The following PHF5A variants were observed in gnomAD, a reference collection of about 807,000 sequenced individuals.
The protein encoded by PHF5A is PHD finger-like domain-containing protein 5A.
For synonymous variants in PHF5A, 52 were observed against 46.0 expected, an observed-to-expected ratio of 1.13 and a Z score of -0.52; for missense variants, 24 against 140.6, an observed-to-expected ratio of 0.17 and a Z score of 4.19.
rs144044784 is a variant in PHF5A at position 41,462,164 on chromosome 22, T to C, written c.244-1677A>G. 1.6e-3 allele frequency among the ~76,000 whole-genome samples: 249 copies of C among 152,246 alleles called. 2 individuals carry two copies. The highest frequency in any genetic ancestry group is 6.8e-3 in the Middle Eastern group (2 of 294). Reference sequence around the variant, plus strand: ...TTTCAGTGAAGCCCCTGGGAAGCTGTGTTATATAGAAATGATGACTCCATC... The same window carrying C: ...TTTCAGTGAAGCCCCTGGGAAGCTGCGTTATATAGAAATGATGACTCCATC... On this transcript the variant is annotated intron_variant, in intron 3 of 3. Transcript: ENST00000216252.
rs1173270163 is a variant in PHF5A, at chr22:41,459,993, C to G, written c.*405G>C. The stretch of plus-strand genomic sequence containing the variant: ...CACACCAAAGGTTCCTCAAGGACAG[C>G]TGCCACCAGAGCTGCTGCAAGAACA... On this transcript the variant is annotated 3_prime_UTR_variant, in exon 4 of 4. Coordinates refer to ENST00000216252, the MANE Select transcript of PHF5A (RefSeq NM_032758.4). 6.9e-6 allele frequency: 1 copy of G among 144,712 alleles called. No homozygotes were observed. Among genetic ancestry groups the G allele is most frequent in the Non-Finnish European group, 1.5e-5 (1 of 67,034 alleles). 9.0% of individuals were successfully genotyped at this position (144,712 alleles called of 1,614,324 possible).
At chr22:41,468,456 T>C (rs2037893404) in intron 1 of PHF5A, 146 bp downstream of exon 1, 7 of 875,350 alleles carry the variant, frequency 8.0e-6, no homozygotes, top group Non-Finnish European at 1.2e-5. Flanking sequence ...GCCACAAACC[T>C]GCGCGCTCCT....
Position 41,468,165 on chromosome 22 carries a change from G to A in PHF5A, c.53-18C>T. 2 of 1,613,658 alleles carry A rather than the reference G, an allele frequency of 1.2e-6. No individual in the cohort carries two copies. The highest frequency in any genetic ancestry group is 2.2e-5 in the East Asian group (1 of 44,880). On this transcript the variant is annotated intron_variant, in intron 1 of 3. Coordinates refer to ENST00000216252, the MANE Select transcript of PHF5A (RefSeq NM_032758.4). Reference sequence around the variant, plus strand: ...TCCGATGGCTGCAAGATGAAAGATGGTAAAAAGTACAATTAGAATAAAGGT... The same window carrying A: ...TCCGATGGCTGCAAGATGAAAGATGATAAAAAGTACAATTAGAATAAAGGT...
chr22:41,464,702 G>A (rs2037852777), intron 3 of PHF5A, among the ~76,000 whole-genome samples: 1 of 152,218 alleles, frequency 6.6e-6, no homozygotes, highest in Admixed American at 6.5e-5. Flanking sequence ...CTAGACCCAT[G>A]CAAAAATTCA....
intron 3 of PHF5A, among the ~76,000 whole-genome samples, chr22:41,462,903 C>A (rs1256757512): frequency 2.7e-5 from 4 of 147,752 alleles, no homozygotes; most frequent in African/African-American, 1.0e-4. Context: ...GAGGTGAAGT[C>A]TCATCTGTCG....
chr22:41,468,056 C>T (rs187473076), intron 2 of PHF5A, 68 bp downstream of exon 2: 2 of 1,565,402 alleles, frequency 1.3e-6, no homozygotes, highest in East Asian at 4.5e-5. Flanking sequence ...CTTTGTGGCA[C>T]TTTTGCTGGT....
intron 3 of PHF5A, 64 bp downstream of exon 3, chr22:41,467,384 C>T: frequency 6.7e-7 from 1 of 1,492,272 alleles, no homozygotes; most frequent in Non-Finnish European, 9.3e-7. Context: ...TAGGAGATTG[C>T]AGTGGATGGC....
intron 3 of PHF5A, among the ~76,000 whole-genome samples, chr22:41,465,706 C>T (rs1000123302): frequency 2.0e-5 from 3 of 151,910 alleles, no homozygotes; most frequent in African/African-American, 7.3e-5. Context: ...ATAGTGAAAC[C>T]CCATCTCTAC....
intron 3 of PHF5A, among the ~76,000 whole-genome samples, chr22:41,466,566 C>T (rs907597301): frequency 2.0e-5 from 3 of 152,162 alleles, no homozygotes; most frequent in East Asian, 1.9e-4. Context: ...CTCTGTCACC[C>T]AGGCTGGAGT....
chr22:41,468,205 G>A, intron 1 of PHF5A, 58 bp from the exon 2 acceptor site: 2 of 1,584,298 alleles, frequency 1.3e-6, no homozygotes, highest in East Asian at 2.2e-5. Flanking sequence ...AGAAAGAGGA[G>A]AAGTACATCC....
At chr22:41,461,181 GAAA>G (rs1038939802) in intron 3 of PHF5A, among the ~76,000 whole-genome samples, 1 of 151,472 alleles carries the variant, frequency 6.6e-6, no homozygotes. Context: ...CTCAAAAAAA[GAAA>G]AAAAGACCAT....
intron 3 of PHF5A, among the ~76,000 whole-genome samples, chr22:41,466,397 T>C (rs2037866517): frequency 6.6e-6 from 1 of 152,192 alleles, no homozygotes; most frequent in South Asian, 2.1e-4. Flanking sequence ...ATTTCTGCAA[T>C]ATTAAACCAA....
chr22:41,463,064 G>A (rs917131317), intron 3 of PHF5A, among the ~76,000 whole-genome samples: 9 of 151,688 alleles, frequency 5.9e-5, no homozygotes, highest in African/African-American at 1.9e-4. Context: ...AGTAGAGATG[G>A]GGTTTCACCA....
Position 41,468,660 on chromosome 22 carries a change from T to A in PHF5A, c.-7A>T, listed in dbSNP as rs776172063. Reference sequence around the variant, plus strand: ...CAGGATGATGTTTAGCCATAGCTCCTAACTAAGCCGGCCACCGGAAGCTTC... The same window carrying A: ...CAGGATGATGTTTAGCCATAGCTCCAAACTAAGCCGGCCACCGGAAGCTTC... On this transcript the variant is annotated 5_prime_UTR_variant, in exon 1 of 4. Transcript: ENST00000216252. The A allele has an allele frequency of 1.2e-6, 2 of 1,613,822 alleles. No individual in the cohort carries two copies.
Position 41,468,606 on chromosome 22 carries a change from A to T in PHF5A, c.48T>A (p.Gly16=), listed in dbSNP as rs1601869138. The change falls in exon 1 of 4, where the codon GGT becomes GGA. Residue 16 remains glycine (G), a synonymous_variant. Transcript: ENST00000216252. ...AGGGGTAGGGCGCAGTCTCACCAAC[A>T]CCAGCCTGCTTGCGGCAAAAGATCA... ...PDLIFCRKQA[G]VAIGRLCEKC... is the part of the protein sequence containing the mutation. 7.4e-6 allele frequency: 12 copies of T among 1,613,640 alleles called. No individual in the cohort carries two copies. Among genetic ancestry groups the T allele is most frequent in the Non-Finnish European group, 9.3e-6 (11 of 1,179,906 alleles).
intron 3 of PHF5A, among the ~76,000 whole-genome samples, chr22:41,462,090 A>G (rs535848766): frequency 1.9e-4 from 29 of 152,298 alleles, no homozygotes; most frequent in South Asian, 8.3e-4. Flanking sequence ...CAGACCATGC[A>G]CTAATTTGTC....
intron 2 of PHF5A, chr22:41,467,898 G>A (rs2037883551): frequency 6.5e-6 from 4 of 612,330 alleles, no homozygotes; most frequent in Non-Finnish European, 1.2e-5. Flanking sequence ...GTTGGGGAGG[G>A]GTCATGCTAC....
chr22:41,463,074 A>G (rs1229409743), intron 3 of PHF5A, among the ~76,000 whole-genome samples: 1 of 151,694 alleles, frequency 6.6e-6, no homozygotes, highest in Admixed American at 6.6e-5. Context: ...GGGTTTCACC[A>G]TGTTGGTCAG....
intron 3 of PHF5A, among the ~76,000 whole-genome samples, chr22:41,461,390 ACT>A (rs970704735): frequency 6.1e-5 from 7 of 114,148 alleles, no homozygotes; most frequent in Admixed American, 8.5e-5. Flanking sequence ...AGACTATGAA[ACT>A]CTTTTTTTTT....
Sources: gnomAD v4.1 joint callset for allele counts (sites outside exome capture counted in the v4.1 genomes callset) on GRCh38, gnomAD v4.1.1 for gene constraint, MANE v1.5 for transcripts, NCBI Gene and HGNC (gene_info 2026-07-23, HGNC 2026-07-21) for gene names.